The following ASTN2 variants were observed in gnomAD, a reference collection of about 807,000 sequenced individuals.
The protein encoded by ASTN2 is astrotactin 2, also known as astrotactin-2.
Under a neutral mutation model 139.8 loss-of-function variants are expected in ASTN2, and 54 were observed. The ratio of observed to expected loss-of-function variants is 0.39; its 90% CI spans 0.31 to 0.48. The LOEUF is 0.48. Ranked by LOEUF, ASTN2 falls within the 20% of genes least tolerant of loss-of-function variation. ASTN2 has a pLI of 0.95. For synonymous variants in ASTN2, 756 were observed against 719.5 expected (o/e 1.05, Z -0.81); for missense variants, 1,565 against 1,725.1 (o/e 0.91, Z 1.64).
chr9:117,250,819 T>C (rs938272652), intron 2 of ASTN2, among the ~76,000 whole-genome samples: 3 of 152,174 alleles, frequency 2.0e-5, no homozygotes, highest in African/African-American at 7.2e-5. Context: ...GTGTGTACTC[T>C]AGCCTGGGGT....
chr9:116,644,336 A>C (rs1588133644), intron 17 of ASTN2, among the ~76,000 whole-genome samples: 1 of 152,186 alleles, frequency 6.6e-6, no homozygotes, highest in East Asian at 1.9e-4. Context: ...GCATGAACAG[A>C]AAATGCTCAC....
intron 5 of ASTN2, among the ~76,000 whole-genome samples, chr9:117,075,518 G>A (rs1828258504): frequency 6.6e-6 from 1 of 151,808 alleles, no homozygotes; most frequent in Non-Finnish European, 1.5e-5. Context: ...GGAGGAGGAG[G>A]GGGCAGGCTG....
At chr9:116,660,283 A>AGATAATTTGGGGATGTGGG (rs1858485666) in intron 16 of ASTN2, among the ~76,000 whole-genome samples, 1 of 152,174 alleles carries the variant, frequency 6.6e-6, no homozygotes, top group Non-Finnish European at 1.5e-5. Context: ...AAACCCTAGG[A>AGATAATTTGGGGATGTGGG]CAACTGATTT....
At chr9:116,863,017 A>T (rs1456438322) in intron 11 of ASTN2, among the ~76,000 whole-genome samples, 2 of 152,126 alleles carry the variant, frequency 1.3e-5, no homozygotes, top group African/African-American at 4.8e-5. Flanking sequence ...CACGCTAGAT[A>T]CTAAAATTCC....
intron 1 of ASTN2, among the ~76,000 whole-genome samples, chr9:117,355,480 A>T (rs1348060891): frequency 2.0e-5 from 3 of 152,192 alleles, no homozygotes; most frequent in African/African-American, 7.2e-5. Flanking sequence ...AATGGAGTGC[A>T]GAGAGAGGAC....
chr9:116,579,946 T>C (rs1853882195), intron 19 of ASTN2, among the ~76,000 whole-genome samples: 1 of 152,084 alleles, frequency 6.6e-6, no homozygotes, highest in African/African-American at 2.4e-5. Context: ...CTCGGCCTCC[T>C]GAGTAGCTGG....
At chr9:117,201,419 A>C (rs1372883508) in intron 3 of ASTN2, among the ~76,000 whole-genome samples, 1 of 151,578 alleles carries the variant, frequency 6.6e-6, no homozygotes, top group Non-Finnish European at 1.5e-5. Flanking sequence ...TAGCTCTTTT[A>C]ATTGTGATGT....
intron 16 of ASTN2, among the ~76,000 whole-genome samples, chr9:116,692,512 G>T (rs1446024771): frequency 4.6e-5 from 7 of 152,188 alleles, no homozygotes; most frequent in Non-Finnish European, 7.3e-5. Context: ...TTGTGAGGAA[G>T]ATACTATTTT....
chr9:116,973,247 A>T (rs537630006), intron 10 of ASTN2, among the ~76,000 whole-genome samples: 5 of 152,360 alleles, frequency 3.3e-5, no homozygotes, highest in Non-Finnish European at 5.9e-5. Flanking sequence ...TGATGTAAGA[A>T]TGTAATAATA....
intron 5 of ASTN2, among the ~76,000 whole-genome samples, chr9:117,070,718 C>T (rs1828093873): frequency 6.7e-6 from 1 of 149,140 alleles, no homozygotes; most frequent in Non-Finnish European, 1.5e-5. Context: ...TCTTTTTATT[C>T]TTTTTTCTCT....
chr9:116,437,446 T>C (rs1261493281), intron 22 of ASTN2: 1 of 471,222 alleles, frequency 2.1e-6, no homozygotes, highest in Non-Finnish European at 4.4e-6. Context: ...GTGGGGAGGT[T>C]CGCAGACAGT....
At chr9:117,133,204 A>G (rs1829865949) in intron 4 of ASTN2, among the ~76,000 whole-genome samples, 1 of 152,190 alleles carries the variant, frequency 6.6e-6, no homozygotes, top group Admixed American at 6.5e-5. Flanking sequence ...TTGCTTTCCA[A>G]ATTAACAACA....
intron 7 of ASTN2, among the ~76,000 whole-genome samples, chr9:116,992,406 AGGG>A (rs573766834): frequency 2.4e-4 from 36 of 152,298 alleles, no homozygotes; most frequent in African/African-American, 8.4e-4. Flanking sequence ...TCTCAGGAGA[AGGG>A]GTAGAGGCAA....
At chr9:116,770,256 C>A (rs1450578923) in intron 13 of ASTN2, among the ~76,000 whole-genome samples, 4 of 152,118 alleles carry the variant, frequency 2.6e-5, no homozygotes, top group Admixed American at 2.6e-4. Context: ...ATTATGCCAA[C>A]TGCAGATGGC....
rs577315211 is a variant in ASTN2 at position 116,812,553 on chromosome 9, T to C, written c.2208-6733A>G. ...CCTGCCACTGTCTTGATTTTAAGAA[T>C]ATTGACCTTGAGAACTGTAAAATAA... On this transcript the variant is annotated intron_variant, in intron 12 of 22. Coordinates refer to ENST00000313400, the MANE Select transcript of ASTN2 (RefSeq NM_001365068.1). 2.6e-5 allele frequency among the ~76,000 whole-genome samples: 4 copies of C among 152,260 alleles called. No homozygotes were observed. In the South Asian group the frequency reaches 8.3e-4, roughly 32 times the overall value.
intron 19 of ASTN2, among the ~76,000 whole-genome samples, chr9:116,586,987 A>G (rs1854184804): frequency 6.6e-6 from 1 of 152,154 alleles, no homozygotes; most frequent in Admixed American, 6.5e-5. Flanking sequence ...GCAACTGCTC[A>G]TCTACAGAGG....
chr9:116,921,314 C>G (rs925251298), intron 10 of ASTN2, among the ~76,000 whole-genome samples: 1 of 152,140 alleles, frequency 6.6e-6, no homozygotes, highest in African/African-American at 2.4e-5. Flanking sequence ...CCTGGCTGGG[C>G]GTGGTGGCTC....
chr9:116,808,740 C>T (rs1031941359), intron 12 of ASTN2, among the ~76,000 whole-genome samples: 2 of 152,164 alleles, frequency 1.3e-5, no homozygotes, highest in African/African-American at 4.8e-5. Context: ...GATAGATCTA[C>T]TAAATAGTTG....
intron 10 of ASTN2, among the ~76,000 whole-genome samples, chr9:116,963,257 T>G (rs1835919400): frequency 6.6e-6 from 1 of 152,288 alleles, no homozygotes; most frequent in African/African-American, 2.4e-5. Flanking sequence ...AGGAGTAGTG[T>G]GCTAGGTACA....
Sources: allele counts gnomAD v4.1 joint callset (sites outside exome capture counted in the v4.1 genomes callset), GRCh38; gene constraint gnomAD v4.1.1; transcripts MANE v1.5; gene names NCBI Gene and HGNC (gene_info 2026-07-23, HGNC 2026-07-21).